The following SH3BP5L variants were observed in gnomAD, a reference collection of about 807,000 sequenced individuals.
The protein encoded by SH3BP5L is SH3 binding domain protein 5 like, also known as SH3 domain-binding protein 5-like.
A neutral mutation model predicts 40.9 loss-of-function variants in SH3BP5L; 16 were observed. That is an observed-to-expected ratio of 0.39 (90% CI 0.27 to 0.59). The LOEUF (loss-of-function observed/expected upper bound fraction) is 0.59, where lower values mean the gene tolerates loss of function less well. SH3BP5L is among the 20% of genes least tolerant of loss of function. SH3BP5L has a pLI of 0.53. For synonymous variants in SH3BP5L, 229 were observed against 226.7 expected, an observed-to-expected ratio of 1.01 and a Z score of -0.09; for missense variants, 471 against 544.6, an observed-to-expected ratio of 0.86 and a Z score of 1.35.
rs1664346219 is a variant in SH3BP5L, at chr1:248,825,204, C to G, written c.-269G>C. ...GTCCACTGTGACAAACCCGGAGCAACAGCTCCAAGGCAGGGGGCAAAGGGG... is the reference window on the plus strand; with the variant it reads ...GTCCACTGTGACAAACCCGGAGCAAGAGCTCCAAGGCAGGGGGCAAAGGGG... On this transcript the variant is annotated 5_prime_UTR_variant, in exon 2 of 7. Coordinates refer to ENST00000366472, the MANE Select transcript of SH3BP5L (RefSeq NM_030645.3). 8.2e-7 allele frequency: 1 copy of G among 1,212,560 alleles called. No individual in the cohort carries two copies. Among genetic ancestry groups the G allele is most frequent in the Non-Finnish European group, 1.0e-6 (1 of 971,052 alleles). 75.1% of individuals were successfully genotyped at this position (1,212,560 alleles called of 1,614,324 possible).
At position 248,816,897 on chromosome 1, in the gene SH3BP5L, G is replaced by A; in HGVS notation, c.184-13C>T. On this transcript the variant is annotated splice_polypyrimidine_tract_variant and intron_variant, in intron 2 of 6. Transcript: ENST00000366472. ...GCTCCAACTCCTCCTGCCACAGAGA[G>A]GGGTGGCAAATTAGTGCAGTGGAAG... 1 of 1,614,102 alleles carries A rather than the reference G, an allele frequency of 6.2e-7. No homozygotes were observed. Among genetic ancestry groups the A allele is most frequent in the East Asian group, 2.2e-5 (1 of 44,876 alleles).
At chr1:248,817,060 G>C in intron 2 of SH3BP5L, 176 bp from the exon 3 acceptor site, 1 of 1,531,862 alleles carries the variant, frequency 6.5e-7, no homozygotes, top group Non-Finnish European at 8.8e-7. Context: ...GTCTATCAGG[G>C]ACCTGATACA....
In SH3BP5L at chr1:248,812,444, C is replaced by G. The variant is rs879267010; in HGVS notation, c.712-74G>C. ...CTTCCTCAGCACTCTGCACTGAGGT[C>G]TGAGGGCCTGCTCTCCCAGAATACC... On this transcript the variant is annotated intron_variant, in intron 6 of 6. Transcript: ENST00000366472. The surrounding 1 kb of genome is among the most constrained non-coding windows in gnomAD (Gnocchi z 6.1). The G allele has an allele frequency of 5.4e-5, 63 of 1,159,912 alleles. No individual in the cohort carries two copies. Among genetic ancestry groups the G allele is most frequent in the Non-Finnish European group, 7.6e-5 (61 of 802,294 alleles). 71.9% of individuals were successfully genotyped at this position (1,159,912 alleles called of 1,614,324 possible).
In SH3BP5L at chr1:248,821,910, C is replaced by G. The variant is rs1429191223; in HGVS notation, c.183+2843G>C. ...GCCCCAGGTCAGACAGGGCCTCATC[C>G]GAAGGACAGCCATTTCCGGGAGCCT... On this transcript the variant is annotated intron_variant, in intron 2 of 6. Coordinates refer to ENST00000366472, the MANE Select transcript of SH3BP5L (RefSeq NM_030645.3). The surrounding 1 kb of genome is among the most constrained non-coding windows in gnomAD (Gnocchi z 4.6). Among the ~76,000 whole-genome samples, 1 of 152,170 alleles carries G rather than the reference C, an allele frequency of 6.6e-6. No individual in the cohort carries two copies.
intron 5 of SH3BP5L, 113 bp downstream of exon 5, chr1:248,814,336 A>G (rs1664038922): frequency 8.1e-7 from 1 of 1,242,176 alleles, no homozygotes; most frequent in Non-Finnish European, 1.1e-6. Flanking sequence ...AAACAGAATC[A>G]AAGTTGAAAG....
At position 248,811,769 on chromosome 1, in the gene SH3BP5L, G is replaced by A. The variant is rs1663933826; in HGVS notation, c.*131C>T. On this transcript the variant is annotated 3_prime_UTR_variant, in exon 7 of 7. Coordinates refer to ENST00000366472, the MANE Select transcript of SH3BP5L (RefSeq NM_030645.3). Reference sequence around the variant, plus strand: ...GGCACAGAGGACTCGAACACAGCTGGCCTCTCCCAGGGAAGCACTGGAGAA... The same window carrying A: ...GGCACAGAGGACTCGAACACAGCTGACCTCTCCCAGGGAAGCACTGGAGAA... 2.9e-6 allele frequency: 2 copies of A among 684,824 alleles called. No individual in the cohort carries two copies. Among genetic ancestry groups the A allele is most frequent in the Non-Finnish European group, 4.8e-6 (2 of 416,766 alleles). The allele number at this position is 684,824 out of a possible 1,614,324, so 42.4% of individuals were successfully genotyped here.
At chr1:248,822,202 T>C (rs1438592032) in intron 2 of SH3BP5L, among the ~76,000 whole-genome samples, 2 of 152,200 alleles carry the variant, frequency 1.3e-5, no homozygotes, top group East Asian at 3.9e-4. Flanking sequence ...GTGCATGGTC[T>C]AGTGAACTGT....
chr1:248,822,690 T>C (rs1442805023), intron 2 of SH3BP5L, among the ~76,000 whole-genome samples: 1 of 150,884 alleles, frequency 6.6e-6, no homozygotes, highest in Non-Finnish European at 1.5e-5. Flanking sequence ...TGAGACGGAG[T>C]TTCGCTCTTG....
Position 248,821,150 on chromosome 1 carries a change from G to A in SH3BP5L, c.183+3603C>T, listed in dbSNP as rs901782560. ...AGGAGGGAGGGGGATAGCCCACCTA[G>A]GCGACACCCAGGGAAAGGCTGAGCA... is the stretch of plus-strand genomic sequence containing the variant. On this transcript the variant is annotated intron_variant, in intron 2 of 6. Coordinates refer to ENST00000366472, the MANE Select transcript of SH3BP5L (RefSeq NM_030645.3). The surrounding 1 kb of genome is among the most constrained non-coding windows in gnomAD (Gnocchi z 4.6). The A allele has an allele frequency of 6.6e-6, 1 of 152,410 alleles. No individual in the cohort carries two copies. The highest frequency in any genetic ancestry group is 2.4e-5 in the African/African-American group (1 of 41,440). 9.4% of individuals were successfully genotyped at this position (152,410 alleles called of 1,614,324 possible).
chr1:248,825,888 C>G lies in SH3BP5L; in HGVS notation c.-485G>C, dbSNP rs201678770. 5.1e-6 allele frequency: 5 copies of G among 973,512 alleles called. No individual in the cohort carries two copies. The highest frequency in any genetic ancestry group is 1.2e-4 in the Admixed American group (2 of 16,072). The allele number at this position is 973,512 out of a possible 1,614,324, so 60.3% of individuals were successfully genotyped here. On this transcript the variant is annotated 5_prime_UTR_variant, in exon 1 of 7. Coordinates refer to ENST00000366472, the MANE Select transcript of SH3BP5L (RefSeq NM_030645.3). The stretch of plus-strand genomic sequence containing the variant: ...TCTATGCTGCAAACAATCTCCCCCC[C>G]TCCCTCCCCGCAACAAGCCGATCCA...
intron 2 of SH3BP5L, among the ~76,000 whole-genome samples, chr1:248,819,464 G>C (rs1664194380): frequency 6.6e-6 from 1 of 151,914 alleles, no homozygotes; most frequent in Non-Finnish European, 1.5e-5. Flanking sequence ...CACTTCAGGA[G>C]GCCGAGGTGG....
Position 248,824,840 on chromosome 1 carries a change from G to A in SH3BP5L, c.96C>T (p.Val32=), listed in dbSNP as rs376727549. 6.8e-6 allele frequency: 11 copies of A among 1,614,124 alleles called. No homozygotes were observed. The highest frequency in any genetic ancestry group is 9.3e-6 in the Non-Finnish European group (11 of 1,180,014). Reference sequence around the variant, plus strand: ...TTCCACCTCCTCCAGGCTCTTCTGCGACTGGGCTCCTAGGGACTTCATCCT... The same window carrying A: ...TTCCACCTCCTCCAGGCTCTTCTGCAACTGGGCTCCTAGGGACTTCATCCT... ...VVEDEVPRSP[V]AEEPGGGGSS... Residue 32 remains valine (V), a synonymous_variant, in exon 2 of 7, where the codon GTC becomes GTT. Coordinates refer to ENST00000366472, the MANE Select transcript of SH3BP5L (RefSeq NM_030645.3).
chr1:248,822,298 G>A (rs1159716410), intron 2 of SH3BP5L, among the ~76,000 whole-genome samples: 1 of 152,164 alleles, frequency 6.6e-6, no homozygotes, highest in Non-Finnish European at 1.5e-5. Flanking sequence ...AAATGCCACC[G>A]GCCTCCTCCG....
intron 2 of SH3BP5L, 152 bp from the exon 3 acceptor site, chr1:248,817,036 C>A: frequency 6.5e-7 from 1 of 1,543,400 alleles, no homozygotes; most frequent in Non-Finnish European, 8.7e-7. Flanking sequence ...ACGGAGATTG[C>A]CAAAAGCTTT....
At position 248,821,699 on chromosome 1, in the gene SH3BP5L, G is replaced by A. The variant is rs78346676; in HGVS notation, c.183+3054C>T. On this transcript the variant is annotated intron_variant, in intron 2 of 6. Transcript: ENST00000366472. This position sits in a 1 kb window ranked among gnomAD's most constrained non-coding sequence, Gnocchi z 4.6. ...CTCTTCCCTCCACTGGAACCCTCTCGGAAAGCTGAGGATGAGCCTGGAGGA... is the reference window on the plus strand; with the variant it reads ...CTCTTCCCTCCACTGGAACCCTCTCAGAAAGCTGAGGATGAGCCTGGAGGA... 0.034 allele frequency among the ~76,000 whole-genome samples: 5,090 copies of A among 151,928 alleles called. 272 individuals carry two copies. Among genetic ancestry groups the A allele is most frequent in the African/African-American group, 0.11 (4,755 of 41,360 alleles).
Position 248,816,666 on chromosome 1 carries a change from G to A in SH3BP5L, c.247-4C>T, listed in dbSNP as rs1330070727. 1.9e-6 allele frequency: 3 copies of A among 1,614,014 alleles called. No homozygotes were observed. The East Asian group carries it at 6.7e-5, about 36-fold the overall frequency. On this transcript the variant is annotated splice_polypyrimidine_tract_variant and splice_region_variant and intron_variant, in intron 3 of 6. Transcript: ENST00000366472. ...TCCGATAGGTGGTCCTGGCCTCCTG[G>A]AAAGGAACAAGGCAGAGGAAAGGCA...
rs770501559 is a variant in SH3BP5L, at chr1:248,816,637, A to G, written c.272T>C (p.Ile91Thr). 6.2e-7 allele frequency: 1 copy of G among 1,614,072 alleles called. No individual in the cohort carries two copies. Among genetic ancestry groups the G allele is most frequent in the Non-Finnish European group, 8.5e-7 (1 of 1,180,026 alleles). The change falls in exon 4 of 7, where the codon ATC (isoleucine) becomes ACC (threonine). Residue 91 changes from isoleucine (I) to threonine (T), a missense_variant. Transcript: ENST00000366472. ...CAGTTTCCTCGCCGACTCCTGTAGG[A>G]TCCTCCGATAGGTGGTCCTGGCCTC... Reference protein sequence around the residue: ...LDEARTTYRRILQESARKLNT... With the variant: ...LDEARTTYRRTLQESARKLNT...
At chr1:248,820,850 A>G (rs1664239588) in intron 2 of SH3BP5L, 1 of 152,286 alleles carries the variant, frequency 6.6e-6, no homozygotes. Flanking sequence ...GCTTCCAGTC[A>G]TCAACTTCCA....
chr1:248,813,306 A>T (rs1476040071), intron 5 of SH3BP5L, 144 bp from the exon 6 acceptor site: 1 of 797,602 alleles, frequency 1.3e-6, no homozygotes, highest in African/African-American at 1.8e-5. Context: ...AGAGCCCGAG[A>T]CACGCAGGGG....
Sources: gnomAD v4.1 joint callset for allele counts (sites outside exome capture counted in the v4.1 genomes callset) on GRCh38, gnomAD v4.1.1 for gene constraint, Gnocchi (gnomAD v3.1) non-coding constraint, MANE v1.5 for transcripts, NCBI Gene and HGNC (gene_info 2026-07-23, HGNC 2026-07-21) for gene names.